Variants in MTMR7 observed in about 807,000 individuals in gnomAD.
The protein encoded by MTMR7 is myotubularin related protein 7.
Under a neutral mutation model 81.2 loss-of-function variants are expected in MTMR7, and 76 were observed. That is an observed-to-expected ratio of 0.94 (90% CI 0.78 to 1.13). The LOEUF (loss-of-function observed/expected upper bound fraction) is 1.13. Ranked by LOEUF, MTMR7 falls within the 50% of genes most tolerant of loss-of-function variation. The probability of loss-of-function intolerance (pLI) is 0.00; values close to 1 mark genes in which losing one functional copy is unlikely to be tolerated. For synonymous variants in MTMR7, 372 were observed against 289.8 expected (o/e 1.28, Z -2.88); for missense variants, 1,044 against 820.0 (o/e 1.27, Z -3.34).
At chr8:17,315,825 A>G (rs1406234954) in intron 7 of MTMR7, among the ~76,000 whole-genome samples, 4 of 152,274 alleles carry the variant, frequency 2.6e-5, no homozygotes, top group East Asian at 3.9e-4. Flanking sequence ...CAGCCTATAT[A>G]AAGTAGTGAG....
intron 7 of MTMR7, among the ~76,000 whole-genome samples, chr8:17,314,701 C>G (rs1221212542): frequency 2.6e-5 from 4 of 152,158 alleles, no homozygotes; most frequent in African/African-American, 9.7e-5. Context: ...CAGCAAAACA[C>G]CCAACCTAAG....
intron 1 of MTMR7, among the ~76,000 whole-genome samples, chr8:17,392,827 A>T (rs548365636): frequency 1.3e-5 from 2 of 152,356 alleles, no homozygotes; most frequent in South Asian, 4.1e-4. Flanking sequence ...TTGGATTTAG[A>T]AAATTCTTTT....
At chr8:17,379,532 G>A (rs543910085) in intron 1 of MTMR7, among the ~76,000 whole-genome samples, 2 of 152,260 alleles carry the variant, frequency 1.3e-5, no homozygotes, top group South Asian at 4.1e-4. Context: ...GAAGGAGATG[G>A]GGATCGCTGA....
At position 17,333,397 on chromosome 8, in the gene MTMR7, T is replaced by C. The variant is rs537654732; in HGVS notation, c.733-2115A>G. Among the ~76,000 whole-genome samples the C allele has an allele frequency of 7.7e-4, 118 of 152,356 alleles. 1 individual carries two copies. Among genetic ancestry groups the C allele is most frequent in the African/African-American group, 2.8e-3 (115 of 41,572 alleles). On this transcript the variant is annotated intron_variant, in intron 6 of 13. Transcript: ENST00000180173. ...GCTTTGTATAATTATTTTTCAAAGA[T>C]GTTGGTTTATCCTTTATAACAAGCA...
chr8:17,358,135 T>C (rs1819952189), intron 4 of MTMR7, among the ~76,000 whole-genome samples: 2 of 152,056 alleles, frequency 1.3e-5, no homozygotes, highest in South Asian at 4.2e-4. Flanking sequence ...GCAAAAAAGA[T>C]TTTCAGATTG....
chr8:17,337,950 C>T lies in MTMR7; in HGVS notation c.732+3413G>A, dbSNP rs977202003. 2.0e-5 allele frequency among the ~76,000 whole-genome samples: 3 copies of T among 152,316 alleles called. No individual in the cohort carries two copies. The East Asian group carries it at 5.8e-4, about 29-fold the overall frequency. On this transcript the variant is annotated intron_variant, in intron 6 of 13. Coordinates refer to ENST00000180173, the MANE Select transcript of MTMR7 (RefSeq NM_004686.5). ...AGGCCAGGAACGATTCAGGTCAGCT[C>T]CTAATCCTTTTTCTTTTTAATGAAA...
chr8:17,409,535 T>C (rs573364092), intron 1 of MTMR7, among the ~76,000 whole-genome samples: 7 of 152,334 alleles, frequency 4.6e-5, no homozygotes, highest in African/African-American at 1.7e-4. Flanking sequence ...TGAATTTATT[T>C]ACTGCATGCT....
intron 6 of MTMR7, 112 bp downstream of exon 6, chr8:17,341,251 G>A (rs566072221): frequency 7.3e-5 from 103 of 1,403,452 alleles, no homozygotes; most frequent in Admixed American, 2.6e-4. Context: ...AAGAGGAACC[G>A]CCCCTTTGCA....
chr8:17,305,575 C>G (rs1460392921), intron 11 of MTMR7, among the ~76,000 whole-genome samples, 182 bp downstream of exon 11: 1 of 152,100 alleles, frequency 6.6e-6, no homozygotes, highest in Non-Finnish European at 1.5e-5. Flanking sequence ...ATTTATCTGT[C>G]AGTTGATGAC....
chr8:17,345,282 A>T (rs1819516177), intron 5 of MTMR7, among the ~76,000 whole-genome samples: 2 of 152,212 alleles, frequency 1.3e-5, no homozygotes, highest in South Asian at 2.1e-4. Flanking sequence ...TATCCAACAG[A>T]CCAGGTGCAG....
At chr8:17,341,944 C>G (rs1175645418) in intron 5 of MTMR7, among the ~76,000 whole-genome samples, 2 of 150,258 alleles carry the variant, frequency 1.3e-5, no homozygotes, top group African/African-American at 4.9e-5. Context: ...ACTAGCCCAT[C>G]TAGAAACATC....
chr8:17,340,929 T>G (rs2285284), intron 6 of MTMR7, among the ~76,000 whole-genome samples: 55,086 of 152,056 alleles, frequency 0.36, 13,190 homozygotes, highest in East Asian at 0.71. Flanking sequence ...TTCCAAGTCA[T>G]AGGTATAGAT....
chr8:17,311,478 C>T (rs777540548), intron 9 of MTMR7, 33 bp downstream of exon 9: 11 of 1,613,416 alleles, frequency 6.8e-6, no homozygotes, highest in Admixed American at 5.0e-5. Flanking sequence ...GTCAAGGCAC[C>T]GCCTGTGGGA....
intron 1 of MTMR7, among the ~76,000 whole-genome samples, chr8:17,409,917 G>A (rs1821692598): frequency 6.6e-6 from 1 of 152,202 alleles, no homozygotes; most frequent in Non-Finnish European, 1.5e-5. Flanking sequence ...GACAAGTTGT[G>A]ATCAGAGGGT....
chr8:17,317,230 A>C (rs1396970870), intron 7 of MTMR7, among the ~76,000 whole-genome samples: 1 of 152,166 alleles, frequency 6.6e-6, no homozygotes, highest in African/African-American at 2.4e-5. Context: ...AGCAAGACAC[A>C]GGATGCTGGC....
At chr8:17,300,875 G>A (rs1375933463) in intron 13 of MTMR7, among the ~76,000 whole-genome samples, 1 of 152,180 alleles carries the variant, frequency 6.6e-6, no homozygotes, top group Non-Finnish European at 1.5e-5. Flanking sequence ...CATACAACAT[G>A]TGGATTTTTG....
At chr8:17,338,149 G>A (rs1014343991) in intron 6 of MTMR7, among the ~76,000 whole-genome samples, 1 of 152,180 alleles carries the variant, frequency 6.6e-6, no homozygotes, top group Non-Finnish European at 1.5e-5. Flanking sequence ...TGAAGTGTGC[G>A]TGCATGGATA....
chr8:17,330,560 T>C (rs1417030572), intron 7 of MTMR7, among the ~76,000 whole-genome samples: 1 of 152,236 alleles, frequency 6.6e-6, no homozygotes, highest in Non-Finnish European at 1.5e-5. Context: ...TGAATAACTC[T>C]TCTCTATTAC....
At chr8:17,395,040 G>C (rs1366897228) in intron 1 of MTMR7, among the ~76,000 whole-genome samples, 1 of 152,076 alleles carries the variant, frequency 6.6e-6, no homozygotes, top group African/African-American at 2.4e-5. Flanking sequence ...CTCAACCCCT[G>C]AAACAAAAAC....
Sources: gnomAD v4.1 joint callset for allele counts (sites outside exome capture counted in the v4.1 genomes callset) on GRCh38, gnomAD v4.1.1 for gene constraint, MANE v1.5 for transcripts, NCBI Gene and HGNC (gene_info 2026-07-23, HGNC 2026-07-21) for gene names.